The following ATP13A4 variants were observed in gnomAD, a reference collection of about 807,000 sequenced individuals.
ATP13A4 encodes probable cation-transporting ATPase 13A4.
In ATP13A4, 114 loss-of-function variants were observed where a neutral mutation model predicts 142.5. That is an observed-to-expected ratio of 0.80 (90% CI 0.69 to 0.93). ATP13A4 has a LOEUF of 0.93. Among genes scored for constraint, ATP13A4 ranks in the 40% least tolerant of loss-of-function variants. ATP13A4 has a pLI of 0.00. For synonymous variants in ATP13A4, 488 were observed against 514.8 expected, an observed-to-expected ratio of 0.95 and a Z score of 0.70; for missense variants, 1,392 against 1,454.0, an observed-to-expected ratio of 0.96 and a Z score of 0.69.
intron 25 of ATP13A4, among the ~76,000 whole-genome samples, chr3:193,423,022 T>A (rs2108610838): frequency 6.7e-6 from 1 of 148,936 alleles, no homozygotes; most frequent in Middle Eastern, 3.5e-3. Context: ...AAATCAGAGG[T>A]AAAGGATACA....
intron 25 of ATP13A4, among the ~76,000 whole-genome samples, chr3:193,432,728 AG>A (rs1302853651): frequency 2.6e-5 from 4 of 152,062 alleles, no homozygotes; most frequent in Admixed American, 2.6e-4. Flanking sequence ...TAGAACTTAA[AG>A]TATAATAATA....
At chr3:193,587,962 A>T in intron 1 of ATP13A4, among the ~76,000 whole-genome samples, 1 of 131,346 alleles carries the variant, frequency 7.6e-6, no homozygotes, top group African/African-American at 2.7e-5. Context: ...AGTGTCTGAA[A>T]ATATATATAT....
intron 26 of ATP13A4, among the ~76,000 whole-genome samples, chr3:193,414,178 G>A (rs1021540745): frequency 3.3e-5 from 5 of 152,198 alleles, no homozygotes; most frequent in Admixed American, 1.3e-4. Flanking sequence ...CTGATAATTT[G>A]TAAGTGAGTT....
intron 9 of ATP13A4, among the ~76,000 whole-genome samples, chr3:193,470,500 C>T (rs1718554998): frequency 6.6e-6 from 1 of 152,110 alleles, no homozygotes; most frequent in East Asian, 1.9e-4. Flanking sequence ...TAAAAACATG[C>T]TTTATTTAAA....
chr3:193,585,721 T>G (rs929041811), intron 1 of ATP13A4, among the ~76,000 whole-genome samples: 5 of 152,116 alleles, frequency 3.3e-5, no homozygotes, highest in African/African-American at 1.2e-4. Flanking sequence ...TGTGTAAATT[T>G]CCTTTCATTT....
At chr3:193,427,404 C>T in intron 25 of ATP13A4, among the ~76,000 whole-genome samples, 1 of 152,090 alleles carries the variant, frequency 6.6e-6, no homozygotes, top group East Asian at 1.9e-4. Flanking sequence ...TCAATGCCAT[C>T]CACATCAAGC....
intron 24 of ATP13A4, among the ~76,000 whole-genome samples, chr3:193,434,935 A>G (rs751056210): frequency 5.3e-5 from 8 of 152,236 alleles, no homozygotes; most frequent in Non-Finnish European, 1.2e-4. Flanking sequence ...AAATTTTCAG[A>G]GATGTTGTGA....
Position 193,418,186 on chromosome 3 carries a change from G to A in ATP13A4, c.2843-3436C>T, listed in dbSNP as rs549449365. ...AAAAAAATTAGCCAGGCGAGGTGGCGGGCACCTGTAGTCCCAGCTACTCAG... is the reference window on the plus strand; with the variant it reads ...AAAAAAATTAGCCAGGCGAGGTGGCAGGCACCTGTAGTCCCAGCTACTCAG... On this transcript the variant is annotated intron_variant, in intron 25 of 29. Coordinates refer to ENST00000342695, the MANE Select transcript of ATP13A4 (RefSeq NM_032279.4). 6.5e-4 allele frequency among the ~76,000 whole-genome samples: 85 copies of A among 129,806 alleles called. 1 individual carries two copies. The highest frequency in any genetic ancestry group is 2.3e-3 in the African/African-American group (78 of 33,664). 85.2% of individuals were successfully genotyped at this position (129,806 alleles called of 152,430 possible). A position where few individuals can be genotyped will look rare whatever the true frequency, so the allele number is the denominator to read the frequency against.
At chr3:193,448,420 G>C in intron 17 of ATP13A4, 90 bp from the exon 18 acceptor site, 3 of 1,514,204 alleles carry the variant, frequency 2.0e-6, no homozygotes, top group Non-Finnish European at 2.7e-6. Flanking sequence ...CATCCAGGCT[G>C]GAGGACAGTG....
chr3:193,498,660 A>C (rs1214020532), intron 3 of ATP13A4, among the ~76,000 whole-genome samples: 1 of 152,162 alleles, frequency 6.6e-6, no homozygotes, highest in Non-Finnish European at 1.5e-5. Context: ...TAATATTTAT[A>C]ATTTTCCTCA....
chr3:193,527,552 C>G (rs1432146853), intron 1 of ATP13A4, among the ~76,000 whole-genome samples: 1 of 151,058 alleles, frequency 6.6e-6, no homozygotes, highest in Non-Finnish European at 1.5e-5. Context: ...GCAGAGGCTG[C>G]AGTGAGCTGA....
At chr3:193,418,045 C>T (rs1381511908) in intron 25 of ATP13A4, among the ~76,000 whole-genome samples, 2 of 129,462 alleles carry the variant, frequency 1.5e-5, no homozygotes, top group African/African-American at 2.9e-5. Flanking sequence ...TGGCGTGAAC[C>T]CGGGAGGCAG....
intron 25 of ATP13A4, among the ~76,000 whole-genome samples, chr3:193,432,794 G>A (rs941046840): frequency 6.6e-6 from 1 of 152,086 alleles, no homozygotes; most frequent in East Asian, 1.9e-4. Context: ...AAAGATCACA[G>A]TGGTTGCCAG....
chr3:193,431,527 A>T (rs1345938165), intron 25 of ATP13A4, among the ~76,000 whole-genome samples: 2 of 152,002 alleles, frequency 1.3e-5, no homozygotes, highest in Non-Finnish European at 2.9e-5. Flanking sequence ...ATACTCCAAA[A>T]GTTAGAGAAC....
intron 25 of ATP13A4, among the ~76,000 whole-genome samples, chr3:193,420,387 G>T (rs1166758153): frequency 1.3e-5 from 2 of 150,320 alleles, no homozygotes; most frequent in Admixed American, 6.8e-5. Flanking sequence ...GAAAGCCACT[G>T]TGTAAAGTTT....
chr3:193,437,825 ATTTTTTTTTTTT>A (rs372139378), intron 23 of ATP13A4, among the ~76,000 whole-genome samples: 16 of 102,948 alleles, frequency 1.6e-4, no homozygotes, highest in African/African-American at 5.3e-4. Flanking sequence ...GCCAATAAAG[ATTTTTTTTTTTT>A]TTTTTTTTTT....
intron 2 of ATP13A4, among the ~76,000 whole-genome samples, chr3:193,512,943 G>A (rs1721217583): frequency 6.6e-6 from 1 of 152,192 alleles, no homozygotes; most frequent in Non-Finnish European, 1.5e-5. Flanking sequence ...AGGCATCAAC[G>A]AAGCACAGCT....
chr3:193,508,060 T>C (rs1432086979), intron 2 of ATP13A4, among the ~76,000 whole-genome samples: 7 of 152,180 alleles, frequency 4.6e-5, no homozygotes, highest in South Asian at 2.1e-4. Context: ...CCATATGAGA[T>C]GAAGAGACAC....
intron 13 of ATP13A4, among the ~76,000 whole-genome samples, chr3:193,460,695 A>G (rs1474473436): frequency 1.3e-5 from 2 of 152,252 alleles, no homozygotes; most frequent in African/African-American, 2.4e-5. Context: ...TATTTTTACT[A>G]TGAGACGTAC....
Sources: allele counts gnomAD v4.1 joint callset (sites outside exome capture counted in the v4.1 genomes callset), GRCh38; gene constraint gnomAD v4.1.1; transcripts MANE v1.5; gene names NCBI Gene and HGNC (gene_info 2026-07-23, HGNC 2026-07-21).